The following ASB16 variants were observed in gnomAD, a reference collection of about 807,000 sequenced individuals.
The protein encoded by ASB16 is ankyrin repeat and SOCS box protein 16.
In ASB16, 44 loss-of-function variants were observed where a neutral mutation model predicts 39.1. That is an observed-to-expected ratio of 1.13 (90% CI 0.88 to 1.45). The LOEUF is 1.45. Ranked by LOEUF, ASB16 falls within the 40% of genes most tolerant of loss-of-function variation. The pLI is 0.00. For missense variants in ASB16, 698 were observed against 634.5 expected, an observed-to-expected ratio of 1.10 and a Z score of -1.07; for synonymous variants, 305 against 286.7, an observed-to-expected ratio of 1.06 and a Z score of -0.64.
At position 44,178,542 on chromosome 17, in the gene ASB16, G is replaced by A. The variant is rs1221002091; in HGVS notation, c.*152G>A. ...GGCTGGAGTGCAGTGGCGCTATCTC[G>A]GCTCACTGCAACTTCTACCACCTAG... is the stretch of plus-strand genomic sequence containing the variant. On this transcript the variant is annotated 3_prime_UTR_variant, in exon 5 of 5. Coordinates refer to ENST00000293414, the MANE Select transcript of ASB16 (RefSeq NM_080863.5). 1.3e-5 allele frequency: 11 copies of A among 817,484 alleles called. No individual in the cohort carries two copies. The highest frequency in any genetic ancestry group is 1.0e-4 in the African/African-American group (6 of 57,572). 50.6% of individuals were successfully genotyped at this position (817,484 alleles called of 1,614,324 possible).
rs192556911 is a variant in ASB16, at chr17:44,177,636, C to T, written c.1090C>T (p.Arg364Trp). Residue 364 changes from arginine to tryptophan, a missense_variant, in exon 4 of 5, where the codon CGG becomes TGG. By Grantham distance (101) the Arg-to-Trp change is moderately radical. Coordinates refer to ENST00000293414, the MANE Select transcript of ASB16 (RefSeq NM_080863.5). ...GCTGAAACACTGCGCCAACTTCCCT[C>T]GGGCCCTGGAAGTCCTGCTTAATGC... The part of the protein sequence containing the change: ...EMLKHCANFP[R>W]ALEVLLNAYP... The T allele has an allele frequency of 7.4e-6, 12 of 1,613,878 alleles. No individual in the cohort carries two copies. Among genetic ancestry groups the T allele is most frequent in the Admixed American group, 6.7e-5 (4 of 59,986 alleles).
intron 2 of ASB16, 89 bp from the exon 3 acceptor site, chr17:44,176,649 G>C: frequency 2.5e-6 from 4 of 1,592,202 alleles, no homozygotes; most frequent in Non-Finnish European, 3.4e-6. Context: ...CAAGCTGAGA[G>C]GGGTGGAAAG....
chr17:44,171,179 C>T (rs1283312921), intron 1 of ASB16, 89 bp downstream of exon 1: 57 of 1,342,716 alleles, frequency 4.2e-5, no homozygotes, highest in Non-Finnish European at 5.8e-5. Context: ...TCCTTCCCTG[C>T]AGACCACAGA....
chr17:44,176,681 C>G, intron 2 of ASB16, 57 bp from the exon 3 acceptor site: 1 of 1,613,284 alleles, frequency 6.2e-7, no homozygotes, highest in Middle Eastern at 1.7e-4. Flanking sequence ...TCACAGCAAG[C>G]TGAAGGGGTC....
intron 2 of ASB16, among the ~76,000 whole-genome samples, chr17:44,175,101 CAAA>C (rs11479738): frequency 2.0e-4 from 19 of 95,970 alleles, no homozygotes; most frequent in African/African-American, 3.6e-4. Context: ...GACTCTGCCT[CAAA>C]AAAAAAAAAA....
In ASB16 at chr17:44,178,191, C is replaced by A. The variant is rs754523994; in HGVS notation, c.1177-14C>A. The A allele has an allele frequency of 1.5e-5, 24 of 1,611,838 alleles. No homozygotes were observed. The highest frequency in any genetic ancestry group is 1.9e-5 in the Non-Finnish European group (23 of 1,179,956). ...GGGCAAGGGTCATCTGACCTTCTTT[C>A]ACTCCTGGCCTAGGAGCACGAAGCC... On this transcript the variant is annotated splice_polypyrimidine_tract_variant and intron_variant, in intron 4 of 4. Transcript: ENST00000293414.
chr17:44,178,088 T>G, intron 4 of ASB16, 117 bp from the exon 5 acceptor site: 1 of 1,074,552 alleles, frequency 9.3e-7, no homozygotes, highest in Non-Finnish European at 1.4e-6. Context: ...CTGAGTCCTT[T>G]GAGACACATG....
chr17:44,171,072 G>T lies in ASB16; in HGVS notation c.283G>T (p.Ala95Ser). 1 of 1,613,924 alleles carries T rather than the reference G, an allele frequency of 6.2e-7. No homozygotes were observed. Among genetic ancestry groups the T allele is most frequent in the Non-Finnish European group, 8.5e-7 (1 of 1,179,924 alleles). The change falls in exon 1 of 5, where the codon GCC becomes TCC. Residue 95 changes from alanine (A) to serine (S), a missense_variant. By Grantham distance (99) the Ala-to-Ser change is moderately conservative. Transcript: ENST00000293414. ...TGTGGAGACTGTGAGCAACCAGCTGGCCTGGTCGGCTGAACAGGGTAGGGG... is the reference window on the plus strand; with the variant it reads ...TGTGGAGACTGTGAGCAACCAGCTGTCCTGGTCGGCTGAACAGGGTAGGGG... ...MIVETVSNQL[A>S]WSAEQGFWVL...
rs2054313322 is a variant in ASB16, at chr17:44,177,350, G to T, written c.1062+120G>T. On this transcript the variant is annotated intron_variant, in intron 3 of 4. Coordinates refer to ENST00000293414, the MANE Select transcript of ASB16 (RefSeq NM_080863.5). ...CTGAAAGCCTGCCCTCAGTGGCCAG[G>T]GGGCTGTCCCCAGCTTGGGAGGGGG... The T allele has an allele frequency of 3.6e-6, 5 of 1,370,342 alleles. 1 individual carries two copies. The allele number at this position is 1,370,342 out of a possible 1,614,324, so 84.9% of individuals were successfully genotyped here. A position where few individuals can be genotyped will look rare whatever the true frequency, so the allele number is the denominator to read the frequency against.
intron 4 of ASB16, 129 bp from the exon 5 acceptor site, chr17:44,178,070 TTCTGAA>T: frequency 1.1e-6 from 1 of 925,754 alleles, no homozygotes; most frequent in Non-Finnish European, 1.6e-6. Context: ...GCCTCTATGG[TTCTGAA>T]TCTGAGTCCT....
chr17:44,172,487 G>C (rs1362672758), intron 2 of ASB16, among the ~76,000 whole-genome samples, 174 bp downstream of exon 2: 1 of 152,174 alleles, frequency 6.6e-6, no homozygotes, highest in South Asian at 2.1e-4. Flanking sequence ...TGAGAAAAAT[G>C]AAGCTCAGAA....
At chr17:44,174,184 C>T (rs142765900) in intron 2 of ASB16, among the ~76,000 whole-genome samples, 2 of 151,868 alleles carry the variant, frequency 1.3e-5, no homozygotes, top group East Asian at 1.9e-4. Context: ...GGACTACAGG[C>T]TCCCGCCAAC....
Position 44,177,139 on chromosome 17 carries a change from C to A in ASB16, c.971C>A (p.Ala324Glu). 1 of 1,514,580 alleles carries A rather than the reference C, an allele frequency of 6.6e-7. No individual in the cohort carries two copies. 93.8% of individuals were successfully genotyped at this position (1,514,580 alleles called of 1,614,324 possible). A position where few individuals can be genotyped will look rare whatever the true frequency, so the allele number is the denominator to read the frequency against. Residue 324 changes from alanine (A) to glutamate (E), a missense_variant, in exon 3 of 5, where the codon GCG (alanine) becomes GAG (glutamate). Ala to Glu is a moderately radical substitution (Grantham distance 107, BLOSUM62 -1). Transcript: ENST00000293414. The stretch of plus-strand genomic sequence containing the variant: ...GCGGGCCACACGCCCATGGACTGTG[C>A]GCTGCAGGCCGTCCAGGACTCCCCC... Reference protein sequence around the residue: ...NGAGHTPMDCALQAVQDSPNW... With the variant: ...NGAGHTPMDCELQAVQDSPNW...
rs1351774979 is a variant in ASB16, at chr17:44,177,376, A to G, written c.1062+146A>G. Reference sequence around the variant, plus strand: ...GGGCTGTCCCCAGCTTGGGAGGGGGAGAGAGGATTCTGGGAGAGAGAGTCC... The same window carrying G: ...GGGCTGTCCCCAGCTTGGGAGGGGGGGAGAGGATTCTGGGAGAGAGAGTCC... On this transcript the variant is annotated intron_variant, in intron 3 of 4. Transcript: ENST00000293414. 6 of 1,266,458 alleles carry G rather than the reference A, an allele frequency of 4.7e-6. No homozygotes were observed. In the East Asian group the frequency reaches 1.1e-4, roughly 22 times the overall value. The allele number at this position is 1,266,458 out of a possible 1,614,324, so 78.5% of individuals were successfully genotyped here. A position where few individuals can be genotyped will look rare whatever the true frequency, so the allele number is the denominator to read the frequency against.
At chr17:44,173,112 G>A (rs1485139040) in intron 2 of ASB16, among the ~76,000 whole-genome samples, 2 of 146,300 alleles carry the variant, frequency 1.4e-5, no homozygotes, top group African/African-American at 2.5e-5. Flanking sequence ...AAAAAAGCCG[G>A]GCGCCATGGC....
intron 1 of ASB16, 34 bp from the exon 2 acceptor site, chr17:44,172,012 T>C (rs201134747): frequency 1.9e-6 from 3 of 1,595,752 alleles, no homozygotes; most frequent in Middle Eastern, 1.7e-4. Context: ...CCCTGTCTTA[T>C]ACACCACCTC....
intron 4 of ASB16, 98 bp downstream of exon 4, chr17:44,177,820 G>A (rs1285381402): frequency 1.3e-6 from 2 of 1,509,930 alleles, no homozygotes; most frequent in African/African-American, 1.4e-5. Context: ...AGGGCCCCTG[G>A]GTAGAGAGGA....
intron 1 of ASB16, among the ~76,000 whole-genome samples, chr17:44,171,561 T>TAAAAAAAAAAAAAAAA (rs57839628): frequency 3.1e-5 from 3 of 97,680 alleles, no homozygotes; most frequent in African/African-American, 5.6e-5. Flanking sequence ...AGACCCTGCC[T>TAAAAAAAAAAAAAAAA]AAAAAAAAAA....
At chr17:44,171,246 G>C (rs966740268) in intron 1 of ASB16, among the ~76,000 whole-genome samples, 156 bp downstream of exon 1, 4 of 152,118 alleles carry the variant, frequency 2.6e-5, no homozygotes, top group Non-Finnish European at 5.9e-5. Context: ...AGATGAGGCA[G>C]GGTTAGCAGT....
Sources: allele counts gnomAD v4.1 joint callset (sites outside exome capture counted in the v4.1 genomes callset), GRCh38; gene constraint gnomAD v4.1.1; transcripts MANE v1.5; gene names NCBI Gene and HGNC (gene_info 2026-07-23, HGNC 2026-07-21).